The following CSMD1 variants were observed in gnomAD, a reference collection of about 807,000 sequenced individuals.
CSMD1 encodes the protein CUB and sushi domain-containing protein 1.
A neutral mutation model predicts 417.5 loss-of-function variants in CSMD1; 213 were observed. The observed-to-expected ratio is 0.51, with a 90% CI of 0.46 to 0.57. CSMD1 has a LOEUF of 0.57. CSMD1 is among the 20% of genes least tolerant of loss of function. The probability of loss-of-function intolerance (pLI) is 0.00; values close to 1 mark genes in which losing one functional copy is unlikely to be tolerated. For missense variants in CSMD1, 6,923 were observed against 4,529.7 expected (o/e 1.53, Z -15.17); for synonymous variants, 2,862 against 1,736.8 (o/e 1.65, Z -16.11).
At chr8:2,997,044 C>G (rs147811593) in intron 54 of CSMD1, among the ~76,000 whole-genome samples, 4 of 152,302 alleles carry the variant, frequency 2.6e-5, no homozygotes, top group African/African-American at 9.6e-5. Context: ...TGGGGCTCGG[C>G]GGAGGCAGGG....
intron 1 of CSMD1, among the ~76,000 whole-genome samples, chr8:4,708,683 T>C (rs978485201): frequency 2.0e-5 from 3 of 152,182 alleles, no homozygotes; most frequent in African/African-American, 7.2e-5. Flanking sequence ...CATTTTTTTT[T>C]TTAAGAGAAA....
intron 5 of CSMD1, among the ~76,000 whole-genome samples, chr8:3,859,438 C>G (rs900317182): frequency 1.4e-4 from 21 of 152,132 alleles, no homozygotes; most frequent in African/African-American, 4.8e-4. Flanking sequence ...TGGCTCCAAC[C>G]TCAGAAATGC....
At chr8:4,258,613 G>C (rs1375743378) in intron 3 of CSMD1, among the ~76,000 whole-genome samples, 2 of 94,278 alleles carry the variant, frequency 2.1e-5, no homozygotes, top group African/African-American at 7.6e-5. Context: ...GTTCTCATAG[G>C]GGCACTCATT....
At chr8:4,640,881 G>T (rs1046376058) in intron 1 of CSMD1, among the ~76,000 whole-genome samples, 36 of 135,188 alleles carry the variant, frequency 2.7e-4, no homozygotes, top group African/African-American at 8.0e-4. Flanking sequence ...AAAAAAAAAA[G>T]TCTAATGGTC....
intron 1 of CSMD1, among the ~76,000 whole-genome samples, chr8:4,764,872 C>CAAAAAAAAAAAAAAAA (rs1194894751): frequency 7.9e-5 from 4 of 50,940 alleles, no homozygotes; most frequent in Non-Finnish European, 1.4e-4. Flanking sequence ...GACTCCATCT[C>CAAAAAAAAAAAAAAAA]AAAAAAAAAA....
chr8:4,597,515 C>G (rs1344260855), intron 2 of CSMD1, among the ~76,000 whole-genome samples: 1 of 152,052 alleles, frequency 6.6e-6, no homozygotes, highest in African/African-American at 2.4e-5. Context: ...TGACCAGTTA[C>G]TCTATATCTT....
chr8:4,019,231 G>C (rs922518807), intron 4 of CSMD1, among the ~76,000 whole-genome samples: 1 of 152,206 alleles, frequency 6.6e-6, no homozygotes, highest in Non-Finnish European at 1.5e-5. Flanking sequence ...TCCTGGCTGA[G>C]TTAGGTCAGA....
Position 3,394,023 on chromosome 8 carries a change from TATATATATATATATA to T in CSMD1, c.2593+2156_2593+2170del, listed in dbSNP as rs1811528745. On this transcript the variant is annotated intron_variant, in intron 17 of 69. Coordinates refer to ENST00000635120, the MANE Select transcript of CSMD1 (RefSeq NM_033225.6). ...AATAAAAAAATAAATTATATATATATATATATATATATATATATATATATATATATATAGAAAAAA... is the reference window on the plus strand; with the variant it reads ...AATAAAAAAATAAATTATATATATATTATATATATATATATATAGAAAAAA... Among the ~76,000 whole-genome samples the T allele has an allele frequency of 7.2e-4, 69 of 96,120 alleles. 5 individuals are homozygous for T. The highest frequency in any genetic ancestry group is 0.012 in the Middle Eastern group (2 of 172). The allele number at this position is 96,120 out of a possible 152,430, so 63.1% of individuals were successfully genotyped here.
chr8:3,526,564 G>C lies in CSMD1; in HGVS notation c.1345-32838C>G, dbSNP rs577362396. 1.1e-4 allele frequency among the ~76,000 whole-genome samples: 16 copies of C among 152,250 alleles called. No homozygotes were observed. In the South Asian group the frequency reaches 3.3e-3, roughly 32 times the overall value. Reference sequence around the variant, plus strand: ...GGAACGGCCCCAGAGTGTCACTAATGCATCATTGCCTGTGTTTATTCTAGG... The same window carrying C: ...GGAACGGCCCCAGAGTGTCACTAATCCATCATTGCCTGTGTTTATTCTAGG... On this transcript the variant is annotated intron_variant, in intron 10 of 69. Coordinates refer to ENST00000635120, the MANE Select transcript of CSMD1 (RefSeq NM_033225.6).
rs376232340 is a variant in CSMD1 at position 3,931,161 on chromosome 8, C to T, written c.818+66742G>A. Among the ~76,000 whole-genome samples the T allele has an allele frequency of 8.4e-4, 126 of 150,772 alleles. 10 individuals carry two copies. The highest frequency in any genetic ancestry group is 3.4e-3 in the Middle Eastern group (1 of 294). ...GATAATTTCAGCTAAACATCGTCTG[C>T]ATCTTTTAAAGCATCTTCCCCTCAT... On this transcript the variant is annotated intron_variant, in intron 5 of 69. Coordinates refer to ENST00000635120, the MANE Select transcript of CSMD1 (RefSeq NM_033225.6).
chr8:3,395,725 G>A (rs751872600), intron 17 of CSMD1, among the ~76,000 whole-genome samples: 1 of 152,108 alleles, frequency 6.6e-6, no homozygotes, highest in Non-Finnish European at 1.5e-5. Flanking sequence ...TTCGCCTCTT[G>A]TTACCTGACT....
intron 3 of CSMD1, among the ~76,000 whole-genome samples, chr8:4,096,654 T>C (rs1801027019): frequency 6.6e-6 from 1 of 152,244 alleles, no homozygotes; most frequent in South Asian, 2.1e-4. Flanking sequence ...CTAAGATATT[T>C]AGATAAGAAC....
chr8:3,387,645 G>T lies in CSMD1; in HGVS notation c.2631C>A (p.Gly877=), dbSNP rs764274583. ...CGTGGCGATGGCCGTTCACAGGGATGCCCGGGTCCAGGCAGGAATCCGACT... is the reference window on the plus strand; with the variant it reads ...CGTGGCGATGGCCGTTCACAGGGATTCCCGGGTCCAGGCAGGAATCCGACT... The part of the protein sequence containing the change: ...TLESDSCLDP[G]IPVNGHRHGG... Residue 877 remains glycine (G), a synonymous_variant, in exon 18 of 70, where the codon GGC becomes GGA. Coordinates refer to ENST00000635120, the MANE Select transcript of CSMD1 (RefSeq NM_033225.6). 1.9e-6 allele frequency: 3 copies of T among 1,600,612 alleles called. No homozygotes were observed. The highest frequency in any genetic ancestry group is 1.3e-5 in the African/African-American group (1 of 74,672).
At chr8:3,759,950 G>C (rs1446999903) in intron 5 of CSMD1, among the ~76,000 whole-genome samples, 7 of 150,636 alleles carry the variant, frequency 4.6e-5, no homozygotes, top group East Asian at 2.0e-4. Context: ...AATAATGGTA[G>C]TGATCAACCA....
intron 1 of CSMD1, among the ~76,000 whole-genome samples, chr8:4,884,461 G>A (rs917377587): frequency 6.6e-6 from 1 of 151,926 alleles, no homozygotes; most frequent in Non-Finnish European, 1.5e-5. Context: ...CTTTCTACAT[G>A]CCTGTAGAGA....
intron 3 of CSMD1, among the ~76,000 whole-genome samples, chr8:4,076,607 A>G (rs527253023): frequency 2.8e-4 from 42 of 152,354 alleles, no homozygotes; most frequent in African/African-American, 9.6e-4. Flanking sequence ...ACTTAAAAAC[A>G]TTTGATAGTT....
intron 6 of CSMD1, among the ~76,000 whole-genome samples, chr8:3,709,691 T>TTTTTTTTTTTTTTTTTTC (rs1801392906): frequency 8.4e-6 from 1 of 119,526 alleles, no homozygotes; most frequent in Non-Finnish European, 1.8e-5. Flanking sequence ...TTTTTTTTTT[T>TTTTTTTTTTTTTTTTTTC]TTTTTTTTTT....
At chr8:3,921,913 G>A (rs751747875) in intron 5 of CSMD1, among the ~76,000 whole-genome samples, 1 of 152,106 alleles carries the variant, frequency 6.6e-6, no homozygotes, top group Non-Finnish European at 1.5e-5. Flanking sequence ...GGTCCATACT[G>A]TTGGCCAAGT....
intron 5 of CSMD1, among the ~76,000 whole-genome samples, chr8:3,780,663 C>A (rs1243567968): frequency 6.6e-6 from 1 of 152,204 alleles, no homozygotes; most frequent in African/African-American, 2.4e-5. Context: ...AGCCCCTCAC[C>A]TGTGCAAACC....
Sources: gnomAD v4.1 joint callset for allele counts (sites outside exome capture counted in the v4.1 genomes callset) on GRCh38, gnomAD v4.1.1 for gene constraint, MANE v1.5 for transcripts, NCBI Gene and HGNC (gene_info 2026-07-23, HGNC 2026-07-21) for gene names.